Variants in NTM observed in about 807,000 individuals in gnomAD.
The protein encoded by NTM is neurotrimin, also known as IgLON family member 2.
Under a neutral mutation model 42.1 loss-of-function variants are expected in NTM, and 13 were observed. That is an observed-to-expected ratio of 0.31 (90% CI 0.20 to 0.49). The LOEUF is 0.49. Among genes scored for constraint, NTM ranks in the 20% least tolerant of loss-of-function variants. The pLI is 0.99. For synonymous variants in NTM, 187 were observed against 179.2 expected (o/e 1.04, Z -0.35); for missense variants, 373 against 452.8 (o/e 0.82, Z 1.60).
At chr11:132,004,602 TC>T (rs1475119735) in intron 2 of NTM, among the ~76,000 whole-genome samples, 3 of 99,848 alleles carry the variant, frequency 3.0e-5, no homozygotes, top group Admixed American at 1.1e-4. Flanking sequence ...TCTCTTTCTC[TC>T]TTTCTCTCTC....
At chr11:131,883,999 G>A (rs906134899) in intron 1 of NTM, among the ~76,000 whole-genome samples, 1 of 152,180 alleles carries the variant, frequency 6.6e-6, no homozygotes, top group Non-Finnish European at 1.5e-5. Context: ...AATAGTTACT[G>A]AATCCTTAAT....
At chr11:132,286,026 A>G (rs949938185) in intron 4 of NTM, among the ~76,000 whole-genome samples, 11 of 152,172 alleles carry the variant, frequency 7.2e-5, no homozygotes, top group Non-Finnish European at 1.5e-4. Context: ...AGGAAGACCT[A>G]TCACCCCAAG....
At position 131,422,079 on chromosome 11, in the gene NTM, T is replaced by C. The variant is rs76092729; in HGVS notation, c.82+51191T>C. Among the ~76,000 whole-genome samples the C allele has an allele frequency of 9.9e-3, 1,511 of 152,284 alleles. 32 individuals carry two copies. Among genetic ancestry groups the C allele is most frequent in the African/African-American group, 0.035 (1,453 of 41,560 alleles). The stretch of plus-strand genomic sequence containing the variant: ...CCCTGCATTTTGTCCACAACGTAGT[T>C]AACTTGATGTAGGCATCCCGTCTAC... On this transcript the variant is annotated intron_variant, in intron 1 of 8. Coordinates refer to ENST00000683400, the MANE Select transcript of NTM (RefSeq NM_001352005.2).
intron 1 of NTM, among the ~76,000 whole-genome samples, chr11:131,742,003 G>A (rs1028107362): frequency 3.9e-5 from 6 of 152,110 alleles, no homozygotes; most frequent in South Asian, 2.1e-4. Flanking sequence ...ATGTTTTCAC[G>A]TATGAGTAGG....
intron 1 of NTM, among the ~76,000 whole-genome samples, chr11:131,839,799 A>G (rs554079111): frequency 1.3e-5 from 2 of 152,258 alleles, no homozygotes; most frequent in Admixed American, 1.3e-4. Context: ...TATGAAAATG[A>G]TGGGAGGTCT....
At chr11:132,187,726 C>T (rs990532341) in intron 3 of NTM, among the ~76,000 whole-genome samples, 3 of 152,166 alleles carry the variant, frequency 2.0e-5, no homozygotes, top group East Asian at 3.9e-4. Flanking sequence ...CAAGAAGGTG[C>T]TTCTGAGACC....
At chr11:131,493,539 T>A (rs887419127) in intron 1 of NTM, among the ~76,000 whole-genome samples, 1 of 152,196 alleles carries the variant, frequency 6.6e-6, no homozygotes, top group Non-Finnish European at 1.5e-5. Flanking sequence ...AGCTCCTGAA[T>A]GGACAACAAC....
chr11:132,239,805 C>A (rs191130704), intron 4 of NTM, among the ~76,000 whole-genome samples: 11 of 152,276 alleles, frequency 7.2e-5, no homozygotes, highest in Non-Finnish European at 1.0e-4. Context: ...AATAATAATT[C>A]TTCTTTTCAA....
chr11:132,336,686 C>G lies in NTM; in HGVS notation c.*1540C>G, dbSNP rs2095874842. ...TTTAGGTAATCTTTTTTTTTTTTCC[C>G]CTCCCCTGAAAGTCTGGGAACCTGA... On this transcript the variant is annotated 3_prime_UTR_variant, in exon 9 of 9. Transcript: ENST00000683400. 6.6e-6 allele frequency: 1 copy of G among 150,954 alleles called. No individual in the cohort carries two copies. The highest frequency in any genetic ancestry group is 1.5e-5 in the Non-Finnish European group (1 of 67,704). 9.4% of individuals were successfully genotyped at this position (150,954 alleles called of 1,614,324 possible).
intron 4 of NTM, among the ~76,000 whole-genome samples, chr11:132,287,861 G>C (rs1030973228): frequency 6.6e-6 from 1 of 152,180 alleles, no homozygotes; most frequent in Non-Finnish European, 1.5e-5. Context: ...CACATGAAAA[G>C]CAGGAAAAAC....
chr11:131,789,955 C>CAAA lies in NTM; in HGVS notation c.83-121585_83-121583dup, dbSNP rs36050979. Among the ~76,000 whole-genome samples, 43 of 20,300 alleles carry CAAA rather than the reference C, an allele frequency of 2.1e-3. 4 individuals are homozygous for CAAA. Among genetic ancestry groups the CAAA allele is most frequent in the African/African-American group, 3.5e-3 (31 of 8,754 alleles). The allele number at this position is 20,300 out of a possible 152,430, so 13.3% of individuals were successfully genotyped here. Reference sequence around the variant, plus strand: ...TGGGCGACAGAGCGAGACTCCGTCTCAAAAAAAAAAAAAAAAAAAAAAAAA... The same window carrying CAAA: ...TGGGCGACAGAGCGAGACTCCGTCTCAAAAAAAAAAAAAAAAAAAAAAAAAAAA... On this transcript the variant is annotated intron_variant, in intron 1 of 8. Transcript: ENST00000683400.
At chr11:131,401,037 A>T (rs1285343958) in intron 1 of NTM, among the ~76,000 whole-genome samples, 2 of 151,888 alleles carry the variant, frequency 1.3e-5, no homozygotes, top group Non-Finnish European at 2.9e-5. Context: ...AAGGAGAGTG[A>T]GGCATGCATA....
rs144459902 is a variant in NTM at position 132,135,943 on chromosome 11, G to A, written c.168-10339G>A. On this transcript the variant is annotated intron_variant, in intron 2 of 8. Coordinates refer to ENST00000683400, the MANE Select transcript of NTM (RefSeq NM_001352005.2). ...TTTCCTCTTTCTGGGGATGCATCTT[G>A]TTCCCCAAGGTGCCACGTCACCTAG... Among the ~76,000 whole-genome samples the A allele has an allele frequency of 7.3e-3, 1,114 of 152,310 alleles. 10 individuals are homozygous for A. The highest frequency in any genetic ancestry group is 0.021 in the African/African-American group (858 of 41,556).
At chr11:132,047,590 G>T (rs995867798) in intron 2 of NTM, among the ~76,000 whole-genome samples, 1 of 152,230 alleles carries the variant, frequency 6.6e-6, no homozygotes, top group South Asian at 2.1e-4. Flanking sequence ...AGGGGAGTCA[G>T]CTAGAGCCTG....
intron 2 of NTM, among the ~76,000 whole-genome samples, chr11:131,954,476 G>A (rs1593155365): frequency 6.6e-6 from 1 of 152,276 alleles, no homozygotes; most frequent in Admixed American, 6.5e-5. Context: ...ACATTAGGCC[G>A]ACAAGTCAGG....
intron 2 of NTM, among the ~76,000 whole-genome samples, chr11:132,144,383 G>A (rs979840824): frequency 6.6e-6 from 1 of 152,144 alleles, no homozygotes; most frequent in Admixed American, 6.5e-5. Flanking sequence ...ATGTGGAGCT[G>A]GCTTCACAAC....
chr11:132,128,488 C>A (rs2137038387), intron 2 of NTM, among the ~76,000 whole-genome samples: 1 of 152,188 alleles, frequency 6.6e-6, no homozygotes, highest in East Asian at 1.9e-4. Flanking sequence ...TGTGGACTGG[C>A]CCCAGGCTGT....
intron 1 of NTM, among the ~76,000 whole-genome samples, chr11:131,491,501 A>G (rs1375102): frequency 0.072 from 10,787 of 150,140 alleles, 461 homozygotes; most frequent in South Asian, 0.17. Flanking sequence ...TTGTAATTGC[A>G]TATTCTTTTC....
intron 3 of NTM, among the ~76,000 whole-genome samples, chr11:132,147,175 TTGTGTGTGTGTG>T (rs751528769): frequency 6.0e-4 from 74 of 123,556 alleles, no homozygotes; most frequent in South Asian, 1.8e-3. Flanking sequence ...CCTTGTATGT[TTGTGTGTGTGTG>T]TGTGTGTGTG....
Sources: allele counts gnomAD v4.1 joint callset (sites outside exome capture counted in the v4.1 genomes callset), GRCh38; gene constraint gnomAD v4.1.1; transcripts MANE v1.5; gene names NCBI Gene and HGNC (gene_info 2026-07-23, HGNC 2026-07-21).